The following NLGN1 variants were observed in gnomAD, a reference collection of about 807,000 sequenced individuals.
The protein encoded by NLGN1 is neuroligin 1.
A neutral mutation model predicts 65.5 loss-of-function variants in NLGN1; 12 were observed. The ratio of observed to expected loss-of-function variants is 0.18; its 90% CI spans 0.12 to 0.30. The LOEUF is 0.30. Among genes scored for constraint, NLGN1 ranks in the 10% least tolerant of loss-of-function variants. The pLI is 1.00. For synonymous variants in NLGN1, 350 were observed against 359.5 expected (o/e 0.97, Z 0.30); for missense variants, 750 against 1,007.1 (o/e 0.74, Z 3.46).
chr3:173,788,025 T>C, intron 3 of NLGN1, among the ~76,000 whole-genome samples: 1 of 152,096 alleles, frequency 6.6e-6, no homozygotes. Context: ...CTTTCTTATT[T>C]TCCATAAAAA....
rs59051811 is a variant in NLGN1 at position 173,419,020 on chromosome 3, C to CTTT, written c.-389-15958_-389-15956dup. Among the ~76,000 whole-genome samples the CTTT allele has an allele frequency of 3.4e-3, 42 of 12,250 alleles. 4 individuals are homozygous for CTTT. Among genetic ancestry groups the CTTT allele is most frequent in the Non-Finnish European group, 3.7e-3 (27 of 7,216 alleles). 8.0% of individuals were successfully genotyped at this position (12,250 alleles called of 152,430 possible). On this transcript the variant is annotated intron_variant, in intron 1 of 6. Transcript: ENST00000457714. ...TCTGTTCTTTAGCTTTCTTCTTCTT[C>CTTT]TTTTTTTTTTTTTTTTTTTTTTTTT...
chr3:173,422,616 C>G (rs1036046703), intron 1 of NLGN1, among the ~76,000 whole-genome samples: 2 of 152,126 alleles, frequency 1.3e-5, no homozygotes, highest in Non-Finnish European at 2.9e-5. Flanking sequence ...CCTCTTTCTC[C>G]TTGCCAGCAT....
At chr3:173,656,664 C>A (rs1031856396) in intron 3 of NLGN1, among the ~76,000 whole-genome samples, 6 of 152,110 alleles carry the variant, frequency 3.9e-5, no homozygotes, top group Non-Finnish European at 5.9e-5. Flanking sequence ...CCACCACTAT[C>A]TGAATTAAAA....
chr3:174,037,780 G>A (rs2152484362), intron 4 of NLGN1, among the ~76,000 whole-genome samples: 1 of 152,280 alleles, frequency 6.6e-6, no homozygotes, highest in South Asian at 2.1e-4. Flanking sequence ...CATGGAAAGA[G>A]AAATTAAAGA....
intron 4 of NLGN1, among the ~76,000 whole-genome samples, chr3:173,860,858 A>T (rs934998103): frequency 1.1e-4 from 16 of 152,176 alleles, no homozygotes; most frequent in East Asian, 5.8e-4. Context: ...TTACCTGCTC[A>T]TGTGACCTGG....
At chr3:174,172,992 T>C (rs1728819835) in intron 4 of NLGN1, among the ~76,000 whole-genome samples, 1 of 152,136 alleles carries the variant, frequency 6.6e-6, no homozygotes, top group African/African-American at 2.4e-5. Context: ...TGCAATTTCG[T>C]GCAGCAACAA....
intron 4 of NLGN1, among the ~76,000 whole-genome samples, chr3:173,879,039 C>T (rs1447284077): frequency 6.6e-6 from 1 of 152,014 alleles, no homozygotes; most frequent in Non-Finnish European, 1.5e-5. Context: ...TCGAGACCAG[C>T]CTGGCCAACA....
intron 2 of NLGN1, among the ~76,000 whole-genome samples, chr3:173,540,823 C>T (rs149886215): frequency 3.9e-5 from 6 of 152,146 alleles, no homozygotes; most frequent in African/African-American, 7.2e-5. Flanking sequence ...TAATATGACA[C>T]GTTGACACAT....
chr3:173,913,427 G>C (rs539487677), intron 4 of NLGN1, among the ~76,000 whole-genome samples: 10 of 152,156 alleles, frequency 6.6e-5, no homozygotes, highest in Admixed American at 6.6e-4. Context: ...ATGGCCACAG[G>C]AACTAAGAGC....
At chr3:173,782,268 A>G (rs1781295151) in intron 3 of NLGN1, among the ~76,000 whole-genome samples, 1 of 152,196 alleles carries the variant, frequency 6.6e-6, no homozygotes, top group African/African-American at 2.4e-5. Context: ...CATTCCTGAC[A>G]GGCACATAGG....
intron 4 of NLGN1, among the ~76,000 whole-genome samples, chr3:174,010,672 G>C (rs894057420): frequency 1.3e-5 from 2 of 152,078 alleles, no homozygotes; most frequent in Non-Finnish European, 2.9e-5. Context: ...CAGGTAAAAT[G>C]ATGAATGAAA....
intron 4 of NLGN1, among the ~76,000 whole-genome samples, chr3:174,194,555 T>C (rs1733016390): frequency 6.6e-6 from 1 of 151,974 alleles, no homozygotes; most frequent in Non-Finnish European, 1.5e-5. Context: ...GATTATAGTC[T>C]AAGTTAAACA....
intron 4 of NLGN1, among the ~76,000 whole-genome samples, chr3:174,002,656 C>G (rs1723532084): frequency 6.6e-6 from 1 of 151,982 alleles, no homozygotes; most frequent in Non-Finnish European, 1.5e-5. Flanking sequence ...TAGTTTGTAT[C>G]TCTTGGAAAC....
chr3:173,602,329 A>G (rs16828164), intron 2 of NLGN1, among the ~76,000 whole-genome samples: 11,984 of 152,024 alleles, frequency 0.079, 1,587 homozygotes, highest in African/African-American at 0.27. Flanking sequence ...TTTACATTTG[A>G]TTTGGATGAC....
intron 2 of NLGN1, among the ~76,000 whole-genome samples, chr3:173,468,237 G>A (rs1724706020): frequency 6.6e-6 from 1 of 152,010 alleles, no homozygotes; most frequent in African/African-American, 2.4e-5. Context: ...ATTAGTGTAT[G>A]TTCTTTTTGT....
intron 3 of NLGN1, among the ~76,000 whole-genome samples, chr3:173,643,729 T>G (rs996513430): frequency 1.3e-5 from 2 of 152,074 alleles, no homozygotes; most frequent in African/African-American, 4.8e-5. Context: ...CTACCAGAGT[T>G]GGGGAAACAA....
In NLGN1 at chr3:174,198,844, C is replaced by CTTTTTTTTT. The variant is rs56752477; in HGVS notation, c.647-76457_647-76449dup. ...TTTGATCTGGCCTCATGACTAGATT[C>CTTTTTTTTT]TTTTTTTTTTTTTTTTTTTTTTGAG... On this transcript the variant is annotated intron_variant, in intron 4 of 6. Coordinates refer to ENST00000457714, the Ensembl canonical transcript of NLGN1. 2.9e-4 allele frequency among the ~76,000 whole-genome samples: 29 copies of CTTTTTTTTT among 99,886 alleles called. 1 individual carries two copies. The highest frequency in any genetic ancestry group is 3.7e-4 in the East Asian group (1 of 2,676). 65.5% of individuals were successfully genotyped at this position (99,886 alleles called of 152,430 possible).
chr3:174,278,390 A>G (rs967392252), intron 5 of NLGN1, among the ~76,000 whole-genome samples: 1 of 151,956 alleles, frequency 6.6e-6, no homozygotes, highest in Non-Finnish European at 1.5e-5. Context: ...TTTTCAAATA[A>G]CATCTGTTTA....
intron 2 of NLGN1, among the ~76,000 whole-genome samples, chr3:173,581,726 AATATTG>A (rs1475059220): frequency 6.6e-6 from 1 of 152,004 alleles, no homozygotes; most frequent in Non-Finnish European, 1.5e-5. Flanking sequence ...CACATTATGA[AATATTG>A]ATATTTCATT....
Sources: allele counts gnomAD v4.1 joint callset (sites outside exome capture counted in the v4.1 genomes callset), GRCh38; gene constraint gnomAD v4.1.1; transcripts MANE v1.5; gene names NCBI Gene and HGNC (gene_info 2026-07-23, HGNC 2026-07-21).